Variants in SEC14L5 observed in about 807,000 individuals in gnomAD.
The protein encoded by SEC14L5 is SEC14-like protein 5.
SEC14L5 carries 96 observed loss-of-function variants against 84.6 expected under a neutral mutation model. That is an observed-to-expected ratio of 1.13 (90% CI 0.96 to 1.34). SEC14L5 has a LOEUF of 1.34. Among genes scored for constraint, SEC14L5 ranks in the 40% most tolerant of loss-of-function variants. The probability of loss-of-function intolerance (pLI) is 0.00; values close to 1 mark genes in which losing one functional copy is unlikely to be tolerated. For synonymous variants in SEC14L5, 546 were observed against 383.4 expected (o/e 1.42, Z -4.95); for missense variants, 1,224 against 942.5 (o/e 1.30, Z -3.91).
intron 2 of SEC14L5, among the ~76,000 whole-genome samples, chr16:4,978,824 A>G (rs1955383044): frequency 6.6e-6 from 1 of 152,146 alleles, no homozygotes; most frequent in South Asian, 2.1e-4. Context: ...GATGGTCTCG[A>G]TCGCTTGACC....
At chr16:4,997,915 T>C (rs140115512) in intron 8 of SEC14L5, among the ~76,000 whole-genome samples, 20 of 152,118 alleles carry the variant, frequency 1.3e-4, no homozygotes, top group South Asian at 1.0e-3. Flanking sequence ...CCCCAGGAGA[T>C]TGGATTTAGG....
At chr16:4,980,515 C>T (rs1040048972) in intron 2 of SEC14L5, among the ~76,000 whole-genome samples, 4 of 152,116 alleles carry the variant, frequency 2.6e-5, no homozygotes, top group African/African-American at 9.7e-5. Flanking sequence ...GTGGCTTTAT[C>T]CCCTCCCTGA....
chr16:4,982,114 T>A (rs946927257), intron 2 of SEC14L5, among the ~76,000 whole-genome samples: 6 of 152,160 alleles, frequency 3.9e-5, no homozygotes, highest in African/African-American at 2.4e-5. Context: ...GAGGCAGCTC[T>A]GTCCTCCTGG....
Position 4,990,825 on chromosome 16 carries a change from G to T in SEC14L5, c.404G>T (p.Arg135Leu). Residue 135 changes from arginine (R) to leucine (L), a missense_variant, in exon 5 of 16, where the codon CGG becomes CTG. Arg to Leu is a moderately radical substitution (Grantham distance 102). Transcript: ENST00000251170. ...CFEQSASLDIRSFFGFENALE... is the reference protein window; with the variant it reads ...CFEQSASLDILSFFGFENALE... ...GAGCAGTCTGCCTCACTGGACATTC[G>T]GTCTTTCTTTGGCTTTGAAAATGCC... The T allele has an allele frequency of 6.2e-7, 1 of 1,611,836 alleles. No individual in the cohort carries two copies. The highest frequency in any genetic ancestry group is 8.5e-7 in the Non-Finnish European group (1 of 1,178,860).
Position 4,959,379 on chromosome 16 carries a change from T to A in SEC14L5, c.56T>A (p.Val19Asp). 1 of 1,613,764 alleles carries A rather than the reference T, an allele frequency of 6.2e-7. No homozygotes were observed. The highest frequency in any genetic ancestry group is 1.1e-5 in the South Asian group (1 of 91,082). Residue 19 changes from valine to aspartate, a missense_variant, in exon 2 of 16, where the codon GTC (valine) becomes GAC (aspartate). Val to Asp is a radical substitution (Grantham distance 152, BLOSUM62 -3). Coordinates refer to ENST00000251170, the MANE Select transcript of SEC14L5 (RefSeq NM_014692.2). ...VRVYKYPFEL[V>D]MAAYEKRFPT... ...GTCTACAAGTACCCGTTTGAGCTGG[T>A]CATGGCGGTGAGTGACTCCTGATTC... is the stretch of plus-strand genomic sequence containing the variant.
Position 5,014,847 on chromosome 16 carries a change from C to T in SEC14L5, c.1980-12C>T, listed in dbSNP as rs1955853307. ...GTGAGAGGGTAACGTGTGCCACGCC[C>T]TTCCTCCCCAGGGGCTCCATGTCCA... On this transcript the variant is annotated splice_polypyrimidine_tract_variant and intron_variant, in intron 15 of 15. Transcript: ENST00000251170. 1 of 1,609,880 alleles carries T rather than the reference C, an allele frequency of 6.2e-7. No homozygotes were observed. Among genetic ancestry groups the T allele is most frequent in the Non-Finnish European group, 8.5e-7 (1 of 1,176,454 alleles).
In SEC14L5 at chr16:4,988,290, G is replaced by A; in HGVS notation, c.345+10G>A. 1 of 1,613,158 alleles carries A rather than the reference G, an allele frequency of 6.2e-7. No homozygotes were observed. Among genetic ancestry groups the A allele is most frequent in the Non-Finnish European group, 8.5e-7 (1 of 1,179,608 alleles). ...GCACTGCAGCTACACGGTGAGCCCA[G>A]GCCACCCTCAGCGCCCACGCCCGGC... On this transcript the variant is annotated intron_variant, in intron 4 of 15. Transcript: ENST00000251170.
In SEC14L5 at chr16:4,999,513, G is replaced by A. The variant is rs553617584; in HGVS notation, c.971-1142G>A. On this transcript the variant is annotated intron_variant, in intron 8 of 15. Coordinates refer to ENST00000251170, the MANE Select transcript of SEC14L5 (RefSeq NM_014692.2). Reference sequence around the variant, plus strand: ...TGCATGCCTGTGGTCCCAGCTACTTGGGAGGCTGAGGTGGGAGGATTGTTT... The same window carrying A: ...TGCATGCCTGTGGTCCCAGCTACTTAGGAGGCTGAGGTGGGAGGATTGTTT... Among the ~76,000 whole-genome samples the A allele has an allele frequency of 4.6e-5, 7 of 152,216 alleles. 1 individual carries two copies. In the Middle Eastern group the frequency reaches 0.01, roughly 222 times the overall value.
Position 4,990,826 on chromosome 16 carries a change from G to A in SEC14L5, c.405G>A (p.Arg135=), listed in dbSNP as rs199768777. The part of the protein sequence containing the change: ...CFEQSASLDI[R]SFFGFENALE... ...AGCAGTCTGCCTCACTGGACATTCG[G>A]TCTTTCTTTGGCTTTGAAAATGCCT... The change falls in exon 5 of 16, where the codon CGG becomes CGA. Residue 135 remains arginine, a synonymous_variant. Transcript: ENST00000251170. 624 of 1,611,930 alleles carry A rather than the reference G, an allele frequency of 3.9e-4. No homozygotes were observed. The highest frequency in any genetic ancestry group is 4.9e-4 in the Non-Finnish European group (578 of 1,178,966).
chr16:5,001,971 T>C (rs1349102366), intron 10 of SEC14L5, among the ~76,000 whole-genome samples: 1 of 152,098 alleles, frequency 6.6e-6, no homozygotes, highest in Non-Finnish European at 1.5e-5. Context: ...GGTCTCACCC[T>C]GTTGCTCAGG....
In SEC14L5 at chr16:5,001,904, C is replaced by T. The variant is rs541204372; in HGVS notation, c.1130+979C>T. ...CCTCCCACCTCAGCCTCCCAAGCAG[C>T]GGGGACTATAAATGTGCACCACCTT... On this transcript the variant is annotated intron_variant, in intron 10 of 15. Transcript: ENST00000251170. Among the ~76,000 whole-genome samples, 30 of 152,136 alleles carry T rather than the reference C, an allele frequency of 2.0e-4. 1 individual carries two copies. The South Asian group carries it at 4.6e-3, about 23-fold the overall frequency.
At chr16:5,011,473 T>G (rs2142535867) in intron 15 of SEC14L5, among the ~76,000 whole-genome samples, 200 bp downstream of exon 15, 1 of 152,334 alleles carries the variant, frequency 6.6e-6, no homozygotes, top group East Asian at 1.9e-4. Context: ...CTAACTCTGC[T>G]TCCGAAGCAG....
chr16:5,008,514 C>A lies in SEC14L5; in HGVS notation c.1666C>A (p.Gln556Lys). 6.2e-7 allele frequency: 1 copy of A among 1,609,654 alleles called. No individual in the cohort carries two copies. Among genetic ancestry groups the A allele is most frequent in the Non-Finnish European group, 8.5e-7 (1 of 1,178,532 alleles). Residue 556 changes from glutamine (Q) to lysine (K), a missense_variant, in exon 14 of 16, where the codon CAG becomes AAG. By Grantham distance (53) the Gln-to-Lys change is moderately conservative. Transcript: ENST00000251170. ...GGTGTTCAGCCTGTACCACACCAAGCAGGCGCCCAGGCTGGGCGCCCGGGA... is the reference window on the plus strand; with the variant it reads ...GGTGTTCAGCCTGTACCACACCAAGAAGGCGCCCAGGCTGGGCGCCCGGGA... Reference protein sequence around the residue: ...DVVFSLYHTKQAPRLGAREPG... With the variant: ...DVVFSLYHTKKAPRLGAREPG...
At chr16:4,976,678 G>T (rs1270658808) in intron 2 of SEC14L5, among the ~76,000 whole-genome samples, 1 of 152,192 alleles carries the variant, frequency 6.6e-6, no homozygotes, top group East Asian at 1.9e-4. Flanking sequence ...AGCCCTGCTT[G>T]GTCCCTGCCT....
chr16:4,992,097 G>C (rs1955559370), intron 6 of SEC14L5, 67 bp downstream of exon 6: 1 of 1,149,556 alleles, frequency 8.7e-7, no homozygotes, highest in Admixed American at 2.9e-5. Context: ...TCCATGGGGG[G>C]CCCTGGGGCA....
At chr16:5,011,053 C>T in intron 14 of SEC14L5, 42 bp from the exon 15 acceptor site, 2 of 1,548,900 alleles carry the variant, frequency 1.3e-6, no homozygotes, top group African/African-American at 2.7e-5. Flanking sequence ...GACCTGTCCT[C>T]TGGAGGGCGC....
chr16:4,988,176 G>T lies in SEC14L5; in HGVS notation c.241G>T (p.Val81Leu), dbSNP rs1348444976. 1 of 1,613,368 alleles carries T rather than the reference G, an allele frequency of 6.2e-7. No individual in the cohort carries two copies. Among genetic ancestry groups the T allele is most frequent in the African/African-American group, 1.3e-5 (1 of 74,790 alleles). The change falls in exon 4 of 16, where the codon GTG becomes TTG. Residue 81 changes from valine to leucine, a missense_variant. Val to Leu is a conservative substitution (Grantham distance 32, BLOSUM62 1). Coordinates refer to ENST00000251170, the MANE Select transcript of SEC14L5 (RefSeq NM_014692.2). ...CGCAGGTGTTGAGCACGTGGTCTTC[G>T]TGCAGACAAACATCTTGAACTGGAA... ...KIAGVEHVVF[V>L]QTNILNWKER... is the part of the protein sequence containing the mutation.
intron 7 of SEC14L5, 93 bp from the exon 8 acceptor site, chr16:4,996,762 G>C (rs1245306905): frequency 3.2e-6 from 3 of 930,866 alleles, no homozygotes; most frequent in East Asian, 5.1e-5. Context: ...TGTAGAGATG[G>C]GGTCTCACCA....
intron 2 of SEC14L5, among the ~76,000 whole-genome samples, chr16:4,979,632 C>T (rs1048849401): frequency 3.9e-5 from 6 of 152,310 alleles, no homozygotes; most frequent in African/African-American, 1.4e-4. Flanking sequence ...TAAACATTCA[C>T]CCCAGGAGAA....
Sources: gnomAD v4.1 joint callset for allele counts (sites outside exome capture counted in the v4.1 genomes callset) on GRCh38, gnomAD v4.1.1 for gene constraint, MANE v1.5 for transcripts, NCBI Gene and HGNC (gene_info 2026-07-23, HGNC 2026-07-21) for gene names.